CFAP61: variants seen among roughly 807,000 people sequenced by gnomAD.
CFAP61 encodes the protein cilia- and flagella-associated protein 61.
A neutral mutation model predicts 135.6 loss-of-function variants in CFAP61; 107 were observed. That is an observed-to-expected ratio of 0.79 (90% CI 0.67 to 0.93). The LOEUF is 0.93. CFAP61 is among the 40% of genes least tolerant of loss of function. CFAP61 has a pLI of 0.00. For missense variants in CFAP61, 1,507 were observed against 1,556.2 expected (o/e 0.97, Z 0.53); for synonymous variants, 575 against 578.5 (o/e 0.99, Z 0.09).
chr20:20,060,446 A>G (rs1039121426), intron 2 of CFAP61, among the ~76,000 whole-genome samples: 8 of 152,240 alleles, frequency 5.3e-5, no homozygotes, highest in Non-Finnish European at 1.0e-4. Flanking sequence ...TATGACTTGC[A>G]TAAAACAATA....
chr20:20,238,435 T>C (rs531322190), intron 18 of CFAP61, among the ~76,000 whole-genome samples: 31 of 152,368 alleles, frequency 2.0e-4, no homozygotes, highest in African/African-American at 7.2e-4. Flanking sequence ...GTAAATTAAA[T>C]TGAAACATTT....
chr20:20,317,373 G>T (rs1223976416), intron 25 of CFAP61, among the ~76,000 whole-genome samples: 1 of 152,186 alleles, frequency 6.6e-6, no homozygotes, highest in Admixed American at 6.5e-5. Flanking sequence ...TTGCACTGCT[G>T]CAGGCCCCAA....
chr20:20,151,587 G>A (rs1438636390), intron 9 of CFAP61, among the ~76,000 whole-genome samples: 1 of 152,000 alleles, frequency 6.6e-6, no homozygotes, highest in Non-Finnish European at 1.5e-5. Flanking sequence ...AGCACTTTGG[G>A]AGGCCGAGGT....
chr20:20,305,694 C>T (rs1003822694), intron 25 of CFAP61, among the ~76,000 whole-genome samples: 1 of 152,222 alleles, frequency 6.6e-6, no homozygotes. Context: ...TGCGACCAGC[C>T]TCGCAAAGAA....
chr20:20,321,279 A>G (rs2057499122), intron 25 of CFAP61, among the ~76,000 whole-genome samples: 1 of 152,122 alleles, frequency 6.6e-6, no homozygotes, highest in Non-Finnish European at 1.5e-5. Flanking sequence ...TTCTCTTCAA[A>G]ATAACCTAGG....
At chr20:20,288,959 C>T (rs191793662) in intron 23 of CFAP61, 23 bp downstream of exon 23, 4 of 1,569,900 alleles carry the variant, frequency 2.5e-6, no homozygotes, top group African/African-American at 1.3e-5. Flanking sequence ...GCTTCCTTCT[C>T]CTTGATGAAG....
chr20:20,262,894 T>C, intron 20 of CFAP61, 62 bp from the exon 21 acceptor site: 3 of 1,082,412 alleles, frequency 2.8e-6, no homozygotes, highest in East Asian at 2.6e-5. Context: ...TTTTTTTTTT[T>C]TAACCACTGT....
chr20:20,244,867 G>C (rs1323175029), intron 18 of CFAP61, among the ~76,000 whole-genome samples: 1 of 152,202 alleles, frequency 6.6e-6, no homozygotes, highest in Non-Finnish European at 1.5e-5. Context: ...TTGCTGCTTA[G>C]AAATTTCTTC....
intron 25 of CFAP61, 108 bp from the exon 26 acceptor site, chr20:20,341,723 T>C: frequency 1.5e-6 from 1 of 689,156 alleles, no homozygotes. Flanking sequence ...AGCAAACGAT[T>C]GCAATGAGGC....
At chr20:20,269,997 A>G (rs1273147707) in intron 21 of CFAP61, among the ~76,000 whole-genome samples, 1 of 152,208 alleles carries the variant, frequency 6.6e-6, no homozygotes, top group Non-Finnish European at 1.5e-5. Context: ...GTGAGGATGA[A>G]TGAGTCATAT....
chr20:20,215,803 G>C (rs2048007837), intron 17 of CFAP61, among the ~76,000 whole-genome samples: 1 of 151,312 alleles, frequency 6.6e-6, no homozygotes, highest in Non-Finnish European at 1.5e-5. Context: ...TATTATAGAA[G>C]ACCTATTTAT....
intron 13 of CFAP61, among the ~76,000 whole-genome samples, chr20:20,176,854 C>T (rs2054669330): frequency 6.6e-6 from 1 of 152,052 alleles, no homozygotes; most frequent in Admixed American, 6.6e-5. Context: ...GCACATGTAT[C>T]CCAGAACTTA....
In CFAP61 at chr20:20,057,272, A is replaced by C. The variant is rs563640080; in HGVS notation, c.143+476A>C. On this transcript the variant is annotated intron_variant, in intron 2 of 26. Coordinates refer to ENST00000245957, the MANE Select transcript of CFAP61 (RefSeq NM_015585.4). ...TAGCAAGAAATCTCTGGGAACAACA[A>C]ATTCCTATTTCCTATAATAATATGC... is the stretch of plus-strand genomic sequence containing the variant. Among the ~76,000 whole-genome samples the C allele has an allele frequency of 2.0e-5, 3 of 152,290 alleles. No homozygotes were observed. The East Asian group carries it at 5.8e-4, about 29-fold the overall frequency.
chr20:20,091,085 C>T (rs1600576428), intron 7 of CFAP61, 109 bp downstream of exon 7: 1 of 1,245,724 alleles, frequency 8.0e-7, no homozygotes, highest in Non-Finnish European at 1.1e-6. Flanking sequence ...GTCTCCCTGG[C>T]CACCCCGGCC....
intron 9 of CFAP61, among the ~76,000 whole-genome samples, chr20:20,144,128 T>C (rs911540829): frequency 2.0e-5 from 3 of 152,096 alleles, no homozygotes; most frequent in African/African-American, 7.2e-5. Context: ...CAGAACAAAG[T>C]ACAAGACTAT....
At position 20,142,937 on chromosome 20, in the gene CFAP61, G is replaced by A; in HGVS notation, c.940G>A (p.Glu314Lys). The A allele has an allele frequency of 6.3e-7, 1 of 1,587,064 alleles. No homozygotes were observed. Among genetic ancestry groups the A allele is most frequent in the South Asian group, 1.1e-5 (1 of 86,990 alleles). The stretch of plus-strand genomic sequence containing the variant: ...GGAACCTGTCTCTCCAGATACCATG[G>A]AAAACATCCAGGTGAGAGAGACTAT... ...LQEPVSPDTM[E>K]NIQGNIAREA... The change falls in exon 9 of 27, where the codon GAA (glutamate) becomes AAA (lysine). Residue 314 changes from glutamate to lysine, a missense_variant. Glu to Lys is a moderately conservative substitution (Grantham distance 56, BLOSUM62 1). Coordinates refer to ENST00000245957, the MANE Select transcript of CFAP61 (RefSeq NM_015585.4).
chr20:20,288,690 C>T lies in CFAP61; in HGVS notation c.2878C>T (p.Arg960Ter), dbSNP rs114396838. 315 of 1,613,924 alleles carry T rather than the reference C, an allele frequency of 2.0e-4. 2 individuals are homozygous for T. The African/African-American group carries it at 2.8e-3, about 14-fold the overall frequency. Residue 960 changes from arginine (R) to a stop codon, truncating the protein, a stop_gained, in exon 23 of 27, where the codon CGA becomes TGA. Coordinates refer to ENST00000245957, the MANE Select transcript of CFAP61 (RefSeq NM_015585.4). LOFTEE classifies it high-confidence loss of function. ...LNDACLVYDS[R>*]LVIDTNFHTN... ...TGATGCATGTCTTGTGTATGACAGT[C>T]GACTTGTGATTGATACCAACTTCCA...
chr20:20,266,235 T>A (rs1333785040), intron 21 of CFAP61, among the ~76,000 whole-genome samples: 1 of 152,256 alleles, frequency 6.6e-6, no homozygotes, highest in African/African-American at 2.4e-5. Flanking sequence ...AGACTTTGGG[T>A]ATATGATACT....
At chr20:20,140,698 G>C (rs558530616) in intron 8 of CFAP61, among the ~76,000 whole-genome samples, 2 of 140,822 alleles carry the variant, frequency 1.4e-5, no homozygotes, top group South Asian at 4.9e-4. Context: ...ATTTGACCCA[G>C]CCATCCCATT....
Sources: gnomAD v4.1 joint callset for allele counts (sites outside exome capture counted in the v4.1 genomes callset) on GRCh38, gnomAD v4.1.1 for gene constraint, MANE v1.5 for transcripts, NCBI Gene and HGNC (gene_info 2026-07-23, HGNC 2026-07-21) for gene names.